STK31: variants seen among roughly 807,000 people sequenced by gnomAD.
STK31 encodes serine/threonine kinase 31.
Under a neutral mutation model 129.7 loss-of-function variants are expected in STK31, and 89 were observed. The observed-to-expected ratio is 0.69, with a 90% CI of 0.58 to 0.82. The LOEUF (loss-of-function observed/expected upper bound fraction) is 0.82, where lower values mean the gene tolerates loss of function less well. STK31 is among the 40% of genes least tolerant of loss of function. The pLI, the probability that STK31 is intolerant of heterozygous loss-of-function variation, is 0.00. For synonymous variants in STK31, 448 were observed against 395.3 expected, an observed-to-expected ratio of 1.13 and a Z score of -1.58; for missense variants, 1,187 against 1,176.4, an observed-to-expected ratio of 1.01 and a Z score of -0.13.
chr7:23,744,200 G>A (rs565461915), intron 8 of STK31, among the ~76,000 whole-genome samples: 10 of 151,360 alleles, frequency 6.6e-5, no homozygotes, highest in African/African-American at 1.7e-4. Context: ...GATTATAGGC[G>A]TGAGCCATCA....
At chr7:23,766,260 A>G (rs1789819779) in intron 11 of STK31, among the ~76,000 whole-genome samples, 1 of 151,964 alleles carries the variant, frequency 6.6e-6, no homozygotes, top group East Asian at 1.9e-4. Context: ...CATTTCTATC[A>G]TTTTATTTCT....
chr7:23,816,571 G>A (rs1793484715), intron 23 of STK31, among the ~76,000 whole-genome samples: 2 of 152,166 alleles, frequency 1.3e-5, no homozygotes, highest in African/African-American at 4.8e-5. Flanking sequence ...TTTGTTCATA[G>A]GATTCTGTTT....
chr7:23,793,955 T>C (rs555469844), intron 22 of STK31, among the ~76,000 whole-genome samples: 2 of 152,330 alleles, frequency 1.3e-5, no homozygotes, highest in South Asian at 4.1e-4. Context: ...TTATGTGTAA[T>C]AGATGAAAAC....
intron 21 of STK31, among the ~76,000 whole-genome samples, chr7:23,789,361 CAA>C (rs1791483880): frequency 6.6e-6 from 1 of 152,070 alleles, no homozygotes; most frequent in African/African-American, 2.4e-5. Flanking sequence ...AACTGTTTTC[CAA>C]AGTGGCTACA....
At chr7:23,785,671 C>A in intron 18 of STK31, 68 bp downstream of exon 18, 1 of 1,519,134 alleles carries the variant, frequency 6.6e-7, no homozygotes, top group Middle Eastern at 1.8e-4. Context: ...TGTTACATTT[C>A]AAGAAAGAAA....
intron 23 of STK31, among the ~76,000 whole-genome samples, chr7:23,824,850 G>A (rs967267026): frequency 3.4e-4 from 52 of 151,800 alleles, no homozygotes; most frequent in Non-Finnish European, 5.3e-4. Context: ...CATCTATTGA[G>A]ATAATCATGT....
At chr7:23,734,020 C>A (rs957673656) in intron 6 of STK31, among the ~76,000 whole-genome samples, 3 of 152,096 alleles carry the variant, frequency 2.0e-5, no homozygotes, top group Admixed American at 2.0e-4. Flanking sequence ...GAAAATAGTT[C>A]TTAAAAATGT....
intron 22 of STK31, among the ~76,000 whole-genome samples, chr7:23,797,968 A>T (rs547035432): frequency 6.6e-6 from 1 of 152,326 alleles, no homozygotes; most frequent in Admixed American, 6.5e-5. Flanking sequence ...AATGCAATAA[A>T]CACCTCTATG....
chr7:23,783,649 T>A lies in STK31; in HGVS notation c.2134T>A (p.Leu712Ile), dbSNP rs753377392. The A allele has an allele frequency of 6.2e-7, 1 of 1,611,662 alleles. No homozygotes were observed. The highest frequency in any genetic ancestry group is 8.5e-7 in the Non-Finnish European group (1 of 1,179,116). The part of the protein sequence containing the change: ...ELPLLHPEIG[L>I]LKYMNSGGLL... ...GCCTCTGCTTCATCCTGAAATAGGA[T>A]TACTCAAATACATGGTAAACTTTGT... is the stretch of plus-strand genomic sequence containing the variant. Residue 712 changes from leucine to isoleucine, a missense_variant, in exon 17 of 24, where the codon TTA becomes ATA. Leu to Ile is a conservative substitution (Grantham distance 5). This residue lies in a region of STK31 where 975 missense variants were observed against 934.9 expected (regional missense o/e 1.04). Transcript: ENST00000355870.
chr7:23,743,320 G>A lies in STK31; in HGVS notation c.1017+6242G>A, dbSNP rs141145503. 7.2e-5 allele frequency among the ~76,000 whole-genome samples: 11 copies of A among 152,280 alleles called. No homozygotes were observed. The East Asian group carries it at 1.9e-3, about 27-fold the overall frequency. On this transcript the variant is annotated intron_variant, in intron 8 of 23. Transcript: ENST00000355870. The stretch of plus-strand genomic sequence containing the variant: ...TATTGCCCTCCCTTAAGCATCTCTT[G>A]TAGGGATGGTCTAGTGCTGATGAAT...
intron 1 of STK31, 81 bp from the exon 2 acceptor site, chr7:23,712,018 A>G (rs1253591475): frequency 4.2e-6 from 5 of 1,182,934 alleles, no homozygotes; most frequent in South Asian, 3.0e-5. Flanking sequence ...AAACATTTGT[A>G]AGAATTGAAC....
At chr7:23,727,411 A>G in intron 5 of STK31, 96 bp downstream of exon 5, 2 of 973,706 alleles carry the variant, frequency 2.1e-6, no homozygotes, top group Non-Finnish European at 3.2e-6. Flanking sequence ...GCTTATTCGT[A>G]GTACTGATAC....
intron 11 of STK31, among the ~76,000 whole-genome samples, chr7:23,765,917 C>G (rs983055371): frequency 5.3e-5 from 8 of 152,138 alleles, no homozygotes; most frequent in African/African-American, 1.9e-4. Context: ...CCTCCTTCCC[C>G]AAACCAACCA....
chr7:23,744,298 T>C (rs1410746711), intron 8 of STK31, among the ~76,000 whole-genome samples: 1 of 151,790 alleles, frequency 6.6e-6, no homozygotes, highest in Non-Finnish European at 1.5e-5. Flanking sequence ...GGATTTCTTT[T>C]TTTTTTTTTA....
chr7:23,787,969 C>T lies in STK31; in HGVS notation c.2488-11C>T. On this transcript the variant is annotated splice_polypyrimidine_tract_variant and intron_variant, in intron 20 of 23. Transcript: ENST00000355870. ...TACTTCCTCACTTCTTTTATGTGTA[C>T]TTATCTATAGGAAACTTTAAAGGTC... 6.5e-7 allele frequency: 1 copy of T among 1,529,246 alleles called. No individual in the cohort carries two copies. Among genetic ancestry groups the T allele is most frequent in the South Asian group, 1.3e-5 (1 of 76,076 alleles). 94.7% of individuals were successfully genotyped at this position (1,529,246 alleles called of 1,614,324 possible). A position where few individuals can be genotyped will look rare whatever the true frequency, so the allele number is the denominator to read the frequency against.
At chr7:23,809,964 C>T (rs1792981409) in intron 22 of STK31, among the ~76,000 whole-genome samples, 1 of 152,162 alleles carries the variant, frequency 6.6e-6, no homozygotes, top group Non-Finnish European at 1.5e-5. Flanking sequence ...GTTATGTATT[C>T]CTGCTGTTAA....
At chr7:23,715,466 A>C (rs1786253268) in intron 3 of STK31, among the ~76,000 whole-genome samples, 1 of 151,836 alleles carries the variant, frequency 6.6e-6, no homozygotes, top group Non-Finnish European at 1.5e-5. Context: ...AAAAAAAAAA[A>C]AAATTAGCCA....
intron 8 of STK31, among the ~76,000 whole-genome samples, chr7:23,744,468 T>G (rs1788233527): frequency 1.3e-5 from 2 of 152,176 alleles, no homozygotes; most frequent in Non-Finnish European, 2.9e-5. Flanking sequence ...GATTATGATC[T>G]GTTGGTGGAG....
intron 22 of STK31, among the ~76,000 whole-genome samples, chr7:23,813,600 C>G (rs1464256743): frequency 6.6e-6 from 1 of 152,134 alleles, no homozygotes; most frequent in African/African-American, 2.4e-5. Flanking sequence ...TTTTCAGAAA[C>G]TTTTCAGTTA....
Sources: gnomAD v4.1 joint callset for allele counts (sites outside exome capture counted in the v4.1 genomes callset) on GRCh38, gnomAD v4.1.1 for gene constraint, gnomAD v4.1.1 regional missense constraint, MANE v1.5 for transcripts, NCBI Gene and HGNC (gene_info 2026-07-23, HGNC 2026-07-21) for gene names.